The following DLGAP2 variants were observed in gnomAD, a reference collection of about 807,000 sequenced individuals.
DLGAP2 encodes disks large-associated protein 2.
In DLGAP2, 26 loss-of-function variants were observed where a neutral mutation model predicts 100.3. The observed-to-expected ratio is 0.26, with a 90% CI of 0.19 to 0.36. The LOEUF (loss-of-function observed/expected upper bound fraction) is 0.36. DLGAP2 is among the 10% of genes least tolerant of loss of function. The pLI is 1.00. For missense variants in DLGAP2, 1,858 were observed against 1,453.2 expected, an observed-to-expected ratio of 1.28 and a Z score of -4.53; for synonymous variants, 886 against 630.1, an observed-to-expected ratio of 1.41 and a Z score of -6.08.
chr8:1,368,315 CTGTG>C (rs776862430), intron 3 of DLGAP2, among the ~76,000 whole-genome samples: 4 of 151,036 alleles, frequency 2.6e-5, no homozygotes, highest in African/African-American at 7.3e-5. Flanking sequence ...ATGTGCATAG[CTGTG>C]TGTGTGCATG....
chr8:1,270,754 A>G (rs868488495), intron 3 of DLGAP2, among the ~76,000 whole-genome samples: 23 of 131,972 alleles, frequency 1.7e-4, no homozygotes, highest in Admixed American at 6.7e-4. Flanking sequence ...CTGTGTGTCT[A>G]CCTCTCTCTG....
intron 3 of DLGAP2, among the ~76,000 whole-genome samples, chr8:1,466,546 T>C (rs1307532597): frequency 8.0e-6 from 1 of 124,516 alleles, no homozygotes. Context: ...TGTGTGTGTA[T>C]GTGTGTGTGT....
At chr8:855,408 G>A (rs941732047) in intron 1 of DLGAP2, among the ~76,000 whole-genome samples, 4 of 152,158 alleles carry the variant, frequency 2.6e-5, no homozygotes, top group South Asian at 2.1e-4. Context: ...AGGAATGTCC[G>A]CTGAATGAAT....
At chr8:1,471,503 A>G (rs909658506) in intron 3 of DLGAP2, among the ~76,000 whole-genome samples, 1 of 150,696 alleles carries the variant, frequency 6.6e-6, no homozygotes, top group Non-Finnish European at 1.5e-5. Flanking sequence ...ACCATGGCCA[A>G]CCCAGCCTCT....
intron 2 of DLGAP2, among the ~76,000 whole-genome samples, chr8:973,523 G>A (rs374467950): frequency 4.6e-5 from 7 of 152,300 alleles, no homozygotes; most frequent in Admixed American, 2.0e-4. Context: ...ATGGGCGGCC[G>A]GGCAGAGATG....
intron 2 of DLGAP2, among the ~76,000 whole-genome samples, chr8:1,099,282 A>T (rs913663734): frequency 1.3e-5 from 2 of 152,130 alleles, no homozygotes; most frequent in Non-Finnish European, 2.9e-5. Flanking sequence ...CAGTTTCTTC[A>T]CATTCACAAC....
At chr8:1,416,781 G>T (rs1385237875) in intron 3 of DLGAP2, among the ~76,000 whole-genome samples, 1 of 152,172 alleles carries the variant, frequency 6.6e-6, no homozygotes, top group African/African-American at 2.4e-5. Context: ...GCCTGGGGGC[G>T]GAATGTGGCT....
intron 4 of DLGAP2, among the ~76,000 whole-genome samples, chr8:1,515,760 A>G (rs1449164616): frequency 1.1e-5 from 1 of 88,060 alleles, no homozygotes; most frequent in Non-Finnish European, 2.6e-5. Context: ...ACACACATGC[A>G]CAAACATACA....
intron 2 of DLGAP2, among the ~76,000 whole-genome samples, chr8:979,044 A>C (rs1563125420): frequency 1.3e-5 from 2 of 151,988 alleles, no homozygotes; most frequent in Admixed American, 1.3e-4. Flanking sequence ...TCTCCGCAGG[A>C]GTGTTCAGGA....
chr8:1,415,837 A>C (rs1042346066), intron 3 of DLGAP2, among the ~76,000 whole-genome samples: 13 of 152,214 alleles, frequency 8.5e-5, no homozygotes, highest in African/African-American at 3.1e-4. Context: ...GTATATACCC[A>C]GTCATGGGAT....
At chr8:1,023,613 TC>T (rs1189964879) in intron 2 of DLGAP2, among the ~76,000 whole-genome samples, 1 of 150,970 alleles carries the variant, frequency 6.6e-6, no homozygotes, top group East Asian at 2.3e-4. Context: ...CCCCGTTTGT[TC>T]CTGCTCAGGA....
chr8:1,322,968 C>G (rs1224734892), intron 3 of DLGAP2, among the ~76,000 whole-genome samples: 1 of 152,100 alleles, frequency 6.6e-6, no homozygotes, highest in Non-Finnish European at 1.5e-5. Context: ...TTAAAATTCA[C>G]CTTTGTCCCC....
At chr8:885,947 A>G (rs539911686) in intron 1 of DLGAP2, among the ~76,000 whole-genome samples, 14 of 152,198 alleles carry the variant, frequency 9.2e-5, no homozygotes, top group African/African-American at 2.2e-4. Context: ...CTCCTTTTCA[A>G]TTGTTTGGAA....
At chr8:1,329,787 T>G (rs1304260977) in intron 3 of DLGAP2, among the ~76,000 whole-genome samples, 1 of 152,206 alleles carries the variant, frequency 6.6e-6, no homozygotes, top group Admixed American at 6.5e-5. Flanking sequence ...AAGTTAGCAC[T>G]GCTGTGAGCC....
At chr8:1,082,965 G>A (rs535666327) in intron 2 of DLGAP2, among the ~76,000 whole-genome samples, 2 of 152,160 alleles carry the variant, frequency 1.3e-5, no homozygotes, top group Non-Finnish European at 2.9e-5. Context: ...ATAGTATGTT[G>A]AAATGTTAAA....
chr8:1,696,687 T>C (rs1799406185), intron 13 of DLGAP2, among the ~76,000 whole-genome samples: 1 of 152,116 alleles, frequency 6.6e-6, no homozygotes, highest in Non-Finnish European at 1.5e-5. Context: ...ATTTGTAAGG[T>C]GTCATCACCG....
rs375053878 is a variant in DLGAP2, at chr8:796,638, G to A, written c.18+58813G>A. Among the ~76,000 whole-genome samples, 49 of 152,278 alleles carry A rather than the reference G, an allele frequency of 3.2e-4. 1 individual carries two copies. In the South Asian group the frequency reaches 9.1e-3, roughly 28 times the overall value. On this transcript the variant is annotated intron_variant, in intron 1 of 14. Coordinates refer to ENST00000637795, the MANE Select transcript of DLGAP2 (RefSeq NM_001346810.2). Reference sequence around the variant, plus strand: ...CAGTGCGTCCCTCCTGTCCCTGCTGGAATGCTTTTTCAGACACACAAGCCT... The same window carrying A: ...CAGTGCGTCCCTCCTGTCCCTGCTGAAATGCTTTTTCAGACACACAAGCCT...
intron 3 of DLGAP2, among the ~76,000 whole-genome samples, chr8:1,415,120 A>G (rs1796842820): frequency 6.6e-6 from 1 of 152,268 alleles, no homozygotes; most frequent in Admixed American, 6.5e-5. Flanking sequence ...ATGTGCACAC[A>G]TGCATACAAA....
intron 3 of DLGAP2, among the ~76,000 whole-genome samples, chr8:1,298,248 A>T (rs183079180): frequency 5.3e-5 from 8 of 152,292 alleles, no homozygotes; most frequent in Middle Eastern, 3.4e-3. Context: ...CAGCATCTTT[A>T]TAAGTGATCA....
Sources: gnomAD v4.1 joint callset for allele counts (sites outside exome capture counted in the v4.1 genomes callset) on GRCh38, gnomAD v4.1.1 for gene constraint, MANE v1.5 for transcripts, NCBI Gene and HGNC (gene_info 2026-07-23, HGNC 2026-07-21) for gene names.